UST: variants seen among roughly 807,000 people sequenced by gnomAD.
UST encodes chondroitin sulfate 2-O-sulfotransferase.
Under a neutral mutation model 45.6 loss-of-function variants are expected in UST, and 21 were observed. The ratio of observed to expected loss-of-function variants is 0.46; its 90% confidence interval spans 0.33 to 0.66. UST has a LOEUF of 0.66. Ranked by LOEUF, UST falls within the 30% of genes least tolerant of loss-of-function variation. UST has a pLI of 0.02. For synonymous variants in UST, 215 were observed against 200.6 expected (o/e 1.07, Z -0.61); for missense variants, 463 against 512.4 (o/e 0.90, Z 0.93).
chr6:148,776,228 C>T (rs1776532798), intron 1 of UST, among the ~76,000 whole-genome samples: 1 of 152,192 alleles, frequency 6.6e-6, no homozygotes, highest in Admixed American at 6.5e-5. Flanking sequence ...TGCTTCAGAC[C>T]TCCAGTCCTG....
intron 1 of UST, among the ~76,000 whole-genome samples, chr6:148,836,043 A>T (rs1164533795): frequency 6.6e-6 from 1 of 152,188 alleles, no homozygotes; most frequent in Non-Finnish European, 1.5e-5. Flanking sequence ...GACTGAAGGC[A>T]GAATTTTGGG....
chr6:149,003,447 A>C (rs1310049791), intron 5 of UST, among the ~76,000 whole-genome samples: 1 of 77,972 alleles, frequency 1.3e-5, no homozygotes, highest in Non-Finnish European at 2.7e-5. Flanking sequence ...AACAAAACAA[A>C]AAAAAAAAAC....
At chr6:149,052,023 T>G (rs987185882) in intron 7 of UST, among the ~76,000 whole-genome samples, 1 of 152,224 alleles carries the variant, frequency 6.6e-6, no homozygotes. Flanking sequence ...GCTTTGGAAT[T>G]TTATGCACCT....
intron 5 of UST, among the ~76,000 whole-genome samples, chr6:148,982,377 G>A (rs1582942114): frequency 6.6e-6 from 1 of 152,250 alleles, no homozygotes; most frequent in East Asian, 1.9e-4. Context: ...GGGATTACTG[G>A]CATGAACCAC....
intron 1 of UST, among the ~76,000 whole-genome samples, chr6:148,783,218 T>C (rs1052378491): frequency 1.3e-5 from 2 of 152,230 alleles, no homozygotes; most frequent in African/African-American, 4.8e-5. Context: ...TATTTTTAGA[T>C]ATAAGTGTAT....
intron 2 of UST, among the ~76,000 whole-genome samples, chr6:148,916,575 C>T (rs1301347341): frequency 6.6e-6 from 1 of 152,178 alleles, no homozygotes; most frequent in Non-Finnish European, 1.5e-5. Context: ...CTGAGGGCAA[C>T]CTTAGGCCCT....
At chr6:148,998,018 C>T (rs538568063) in intron 5 of UST, among the ~76,000 whole-genome samples, 35 of 152,188 alleles carry the variant, frequency 2.3e-4, no homozygotes, top group African/African-American at 7.7e-4. Context: ...GTTTGTTTTG[C>T]GTTCTTAAGC....
At chr6:148,911,765 C>T (rs1779480185) in intron 2 of UST, among the ~76,000 whole-genome samples, 2 of 151,734 alleles carry the variant, frequency 1.3e-5, no homozygotes, top group South Asian at 4.2e-4. Flanking sequence ...TATATTGTCT[C>T]CATTCCTTTT....
intron 7 of UST, among the ~76,000 whole-genome samples, chr6:149,023,899 C>T (rs1297580702): frequency 2.0e-5 from 3 of 152,250 alleles, no homozygotes; most frequent in Admixed American, 1.3e-4. Context: ...TCTGAAAGTT[C>T]GTTAATTCAA....
intron 1 of UST, among the ~76,000 whole-genome samples, chr6:148,783,721 T>C (rs1776685680): frequency 6.6e-6 from 1 of 152,178 alleles, no homozygotes; most frequent in Non-Finnish European, 1.5e-5. Context: ...ACGTGAACAC[T>C]TGGGAGTGGA....
At chr6:148,778,509 C>T (rs1277226951) in intron 1 of UST, among the ~76,000 whole-genome samples, 1 of 152,190 alleles carries the variant, frequency 6.6e-6, no homozygotes, top group Non-Finnish European at 1.5e-5. Flanking sequence ...CGGTGCCCTT[C>T]CTGAGGCGAA....
chr6:148,826,952 G>T (rs1429477294), intron 1 of UST, among the ~76,000 whole-genome samples: 1 of 151,952 alleles, frequency 6.6e-6, no homozygotes, highest in African/African-American at 2.4e-5. Flanking sequence ...ATTACATCGG[G>T]CCCACCTAGA....
chr6:148,986,717 A>G (rs1053758716), intron 5 of UST, among the ~76,000 whole-genome samples: 1 of 152,250 alleles, frequency 6.6e-6, no homozygotes. Flanking sequence ...TTTCTGATGC[A>G]AAAAATTCCT....
At chr6:149,044,953 AAGTGAGCACAT>A (rs2115033353) in intron 7 of UST, among the ~76,000 whole-genome samples, 1 of 152,368 alleles carries the variant, frequency 6.6e-6, no homozygotes, top group Non-Finnish European at 1.5e-5. Flanking sequence ...TTGCTTTACA[AAGTGAGCACAT>A]AGTGAGCACA....
chr6:148,786,146 T>C (rs1776730272), intron 1 of UST, among the ~76,000 whole-genome samples: 2 of 152,130 alleles, frequency 1.3e-5, no homozygotes. Flanking sequence ...TAAATTTGCC[T>C]CAAAGAGTTT....
intron 5 of UST, among the ~76,000 whole-genome samples, chr6:148,965,814 G>A (rs959158320): frequency 6.7e-6 from 1 of 149,256 alleles, no homozygotes; most frequent in East Asian, 2.0e-4. Flanking sequence ...GAAATATTTT[G>A]ATGATTTTAT....
intron 1 of UST, among the ~76,000 whole-genome samples, chr6:148,793,741 A>G (rs1476370283): frequency 2.0e-5 from 3 of 152,144 alleles, no homozygotes; most frequent in Admixed American, 6.5e-5. Context: ...ATAATATAGT[A>G]TGTCTCCTTC....
intron 1 of UST, among the ~76,000 whole-genome samples, chr6:148,776,722 T>G (rs2114682270): frequency 6.6e-6 from 1 of 152,314 alleles, no homozygotes; most frequent in Non-Finnish European, 1.5e-5. Context: ...TTGTTGGAAA[T>G]CTCTTTAAAA....
chr6:149,058,782 A>G (rs567721694), intron 7 of UST, among the ~76,000 whole-genome samples: 1 of 152,348 alleles, frequency 6.6e-6, no homozygotes, highest in South Asian at 2.1e-4. Flanking sequence ...TTAGAAGTAG[A>G]TATTTTTAAA....
Sources: allele counts gnomAD v4.1 joint callset (sites outside exome capture counted in the v4.1 genomes callset), GRCh38; gene constraint gnomAD v4.1.1; transcripts MANE v1.5; gene names NCBI Gene and HGNC (gene_info 2026-07-23, HGNC 2026-07-21).